TIE1: variants seen among roughly 807,000 people sequenced by gnomAD.
The protein encoded by TIE1 is tyrosine-protein kinase receptor Tie-1.
Under a neutral mutation model 130.5 loss-of-function variants are expected in TIE1, and 89 were observed. The observed-to-expected ratio is 0.68, with a 90% CI of 0.57 to 0.81. The LOEUF (loss-of-function observed/expected upper bound fraction) is 0.81. Ranked by LOEUF, TIE1 falls within the 40% of genes least tolerant of loss-of-function variation. The pLI is 0.00. For missense variants in TIE1, 1,392 were observed against 1,559.8 expected (o/e 0.89, Z 1.81); for synonymous variants, 568 against 629.4 (o/e 0.90, Z 1.46).
At chr1:43,311,182 A>T (rs570665054) in intron 9 of TIE1, among the ~76,000 whole-genome samples, 1 of 152,258 alleles carries the variant, frequency 6.6e-6, no homozygotes, top group East Asian at 1.9e-4. Context: ...TCTGAGTCTC[A>T]GTGTTTTCAT....
Position 43,322,580 on chromosome 1 carries a change from T to A in TIE1, c.3346-71T>A. 8.3e-7 allele frequency: 1 copy of A among 1,206,070 alleles called. No individual in the cohort carries two copies. Among genetic ancestry groups the A allele is most frequent in the South Asian group, 1.2e-5 (1 of 80,516 alleles). 74.7% of individuals were successfully genotyped at this position (1,206,070 alleles called of 1,614,324 possible). On this transcript the variant is annotated intron_variant, in intron 22 of 22. Transcript: ENST00000372476. The surrounding 1 kb of genome is among the most constrained non-coding windows in gnomAD (Gnocchi z 4.0). ...TGTCAGTTCAAATGCCCCCACCACA[T>A]GGAAGTCCAGGAGCTTGAGGCCAGA...
rs901376134 is a variant in TIE1 at position 43,318,477 on chromosome 1, G to A, written c.2922+405G>A. Among the ~76,000 whole-genome samples, 18 of 152,094 alleles carry A rather than the reference G, an allele frequency of 1.2e-4. No individual in the cohort carries two copies. The highest frequency in any genetic ancestry group is 4.1e-4 in the African/African-American group (17 of 41,416). Reference sequence around the variant, plus strand: ...AGAGGACAGGGGGATGACTGTCCAGGGGAGTGTGAGTCTGAGGGAAGGCAT... The same window carrying A: ...AGAGGACAGGGGGATGACTGTCCAGAGGAGTGTGAGTCTGAGGGAAGGCAT... On this transcript the variant is annotated intron_variant, in intron 17 of 22. Transcript: ENST00000372476. This position sits in a 1 kb window ranked among gnomAD's most constrained non-coding sequence, Gnocchi z 4.4.
At position 43,313,526 on chromosome 1, in the gene TIE1, A is replaced by C; in HGVS notation, c.2218+101A>C. 1.4e-6 allele frequency: 2 copies of C among 1,426,600 alleles called. No homozygotes were observed. Among genetic ancestry groups the C allele is most frequent in the Non-Finnish European group, 1.9e-6 (2 of 1,047,354 alleles). The allele number at this position is 1,426,600 out of a possible 1,614,324, so 88.4% of individuals were successfully genotyped here. On this transcript the variant is annotated intron_variant, in intron 13 of 22. Transcript: ENST00000372476. The surrounding 1 kb of genome is among the most constrained non-coding windows in gnomAD (Gnocchi z 6.2). The stretch of plus-strand genomic sequence containing the variant: ...CCCTACTGTGGAGCTAGGGCATCCC[A>C]GGCCCCTCCTGACAAAGAGTCAGCC...
chr1:43,305,807 G>A (rs751991082), intron 3 of TIE1, among the ~76,000 whole-genome samples: 36 of 152,334 alleles, frequency 2.4e-4, no homozygotes, highest in African/African-American at 6.7e-4. Flanking sequence ...GGGTAGACCC[G>A]TGGGATCTCA....
chr1:43,309,270 A>G lies in TIE1; in HGVS notation c.1189-118A>G. On this transcript the variant is annotated intron_variant, in intron 8 of 22. Coordinates refer to ENST00000372476, the MANE Select transcript of TIE1 (RefSeq NM_005424.5). The surrounding 1 kb of genome is among the most constrained non-coding windows in gnomAD (Gnocchi z 6.3). ...CCATTGCTCACATGAGGTCAGGCTG[A>G]TTGGTGAGGGGGCTGCCACTGGGCC... The G allele has an allele frequency of 6.6e-7, 1 of 1,511,054 alleles. No homozygotes were observed. The highest frequency in any genetic ancestry group is 8.9e-7 in the Non-Finnish European group (1 of 1,129,198). 93.6% of individuals were successfully genotyped at this position (1,511,054 alleles called of 1,614,324 possible). A position where few individuals can be genotyped will look rare whatever the true frequency, so the allele number is the denominator to read the frequency against.
Position 43,317,141 on chromosome 1 carries a change from C to T in TIE1, c.2410-58C>T. On this transcript the variant is annotated intron_variant, in intron 14 of 22. Transcript: ENST00000372476. This position sits in a 1 kb window ranked among gnomAD's most constrained non-coding sequence, Gnocchi z 5.1. The stretch of plus-strand genomic sequence containing the variant: ...CTCCTCGTGTGCCTGTCTGTGCCTC[C>T]TTCCGCCCCCTTTGACTCTTGCGTG... The T allele has an allele frequency of 6.3e-7, 1 of 1,579,264 alleles. No homozygotes were observed. The highest frequency in any genetic ancestry group is 1.1e-5 in the South Asian group (1 of 90,234).
At position 43,309,172 on chromosome 1, in the gene TIE1, G is replaced by T. The variant is rs774457915; in HGVS notation, c.1188+41G>T. The T allele has an allele frequency of 5.1e-6, 8 of 1,557,118 alleles. No individual in the cohort carries two copies. In the Admixed American group the frequency reaches 1.1e-4, roughly 22 times the overall value. On this transcript the variant is annotated intron_variant, in intron 8 of 22. Coordinates refer to ENST00000372476, the MANE Select transcript of TIE1 (RefSeq NM_005424.5). This position sits in a 1 kb window ranked among gnomAD's most constrained non-coding sequence, Gnocchi z 6.3. ...CCCCAACCCACCAGCCCCTCAGGCC[G>T]CCTGCTTCACAGCTGATCCCTAAGA...
rs775699045 is a variant in TIE1, at chr1:43,313,299, C to A, written c.2092C>A (p.Pro698Thr). 6.2e-7 allele frequency: 1 copy of A among 1,614,034 alleles called. No individual in the cohort carries two copies. The highest frequency in any genetic ancestry group is 1.1e-5 in the South Asian group (1 of 91,080). Reference protein sequence around the residue: ...GDPLWIDVDRPEETSTIIRGL... With the variant: ...GDPLWIDVDRTEETSTIIRGL... ...CCCACTGTGGATAGACGTGGACAGG[C>A]CTGAGGAGACAAGCACCATCATCCG... Residue 698 changes from proline to threonine, a missense_variant, in exon 13 of 23, where the codon CCT becomes ACT. Around this residue, in one of 6 missense-constraint regions of TIE1, gnomAD observed 551 missense variants for 565.5 expected, o/e 0.97. Transcript: ENST00000372476. This position sits in a 1 kb window ranked among gnomAD's most constrained non-coding sequence, Gnocchi z 6.2.
chr1:43,317,977 C>A lies in TIE1; in HGVS notation c.2827C>A (p.Arg943=). 6.2e-7 allele frequency: 1 copy of A among 1,612,308 alleles called. No individual in the cohort carries two copies. Among genetic ancestry groups the A allele is most frequent in the Non-Finnish European group, 8.5e-7 (1 of 1,179,120 alleles). ...CCTAGAGACTGACCCAGCTTTTGCT[C>A]GAGAGCATGGGACAGCCTCTACCCT... ...RVLETDPAFA[R]EHGTASTLSS... is the part of the protein sequence containing the mutation. Residue 943 remains arginine, a synonymous_variant, in exon 17 of 23, where the codon CGA becomes AGA. Coordinates refer to ENST00000372476, the MANE Select transcript of TIE1 (RefSeq NM_005424.5). The surrounding 1 kb of genome is among the most constrained non-coding windows in gnomAD (Gnocchi z 5.1).
rs1389469728 is a variant in TIE1, at chr1:43,315,179, GCTT to G, written c.2409+1216_2409+1218del. ...TCCGCAGGTCCTGTCTCCTCTGAGGGCTTCTTCATTGTCGTCACTTAGGATCTG... is the reference window on the plus strand; with the variant it reads ...TCCGCAGGTCCTGTCTCCTCTGAGGGCTTCATTGTCGTCACTTAGGATCTG... On this transcript the variant is annotated intron_variant, in intron 14 of 22. Coordinates refer to ENST00000372476, the MANE Select transcript of TIE1 (RefSeq NM_005424.5). The surrounding 1 kb of genome is among the most constrained non-coding windows in gnomAD (Gnocchi z 4.4). 2 of 152,262 alleles carry G rather than the reference GCTT, an allele frequency of 1.3e-5. No homozygotes were observed. Among genetic ancestry groups the G allele is most frequent in the African/African-American group, 4.8e-5 (2 of 41,454 alleles). 9.4% of individuals were successfully genotyped at this position (152,262 alleles called of 1,614,324 possible).
At position 43,317,804 on chromosome 1, in the gene TIE1, T is replaced by A; in HGVS notation, c.2732-78T>A. 1 of 1,537,852 alleles carries A rather than the reference T, an allele frequency of 6.5e-7. No homozygotes were observed. On this transcript the variant is annotated intron_variant, in intron 16 of 22. Coordinates refer to ENST00000372476, the MANE Select transcript of TIE1 (RefSeq NM_005424.5). This position sits in a 1 kb window ranked among gnomAD's most constrained non-coding sequence, Gnocchi z 5.1. ...CACCCTTGATCCTCCTTCATCCCTG[T>A]CTGTTACCATCGGGTGCCTGCTCCC... is the stretch of plus-strand genomic sequence containing the variant.
In TIE1 at chr1:43,318,219, G is replaced by A; in HGVS notation, c.2922+147G>A. 4 of 1,025,376 alleles carry A rather than the reference G, an allele frequency of 3.9e-6. No individual in the cohort carries two copies. The highest frequency in any genetic ancestry group is 5.5e-6 in the Non-Finnish European group (4 of 732,910). The allele number at this position is 1,025,376 out of a possible 1,614,324, so 63.5% of individuals were successfully genotyped here. A position where few individuals can be genotyped will look rare whatever the true frequency, so the allele number is the denominator to read the frequency against. Reference sequence around the variant, plus strand: ...TGGGTGCAAGCACAGCGAGGAGGCAGGGCCAAGGGGCAGGTCTGGAGGAGG... The same window carrying A: ...TGGGTGCAAGCACAGCGAGGAGGCAAGGCCAAGGGGCAGGTCTGGAGGAGG... On this transcript the variant is annotated intron_variant, in intron 17 of 22. Coordinates refer to ENST00000372476, the MANE Select transcript of TIE1 (RefSeq NM_005424.5). The surrounding 1 kb of genome is among the most constrained non-coding windows in gnomAD (Gnocchi z 4.4).
In TIE1 at chr1:43,319,614, AGGT is replaced by A; in HGVS notation, c.3107+89_3107+91del. On this transcript the variant is annotated intron_variant, in intron 19 of 22. Transcript: ENST00000372476. This position sits in a 1 kb window ranked among gnomAD's most constrained non-coding sequence, Gnocchi z 4.7. ...CCTAGACATATCTCAGAAATGTCATAGGTGGTCTAAGGCATGACCTGGGCTGTG... is the reference window on the plus strand; with the variant it reads ...CCTAGACATATCTCAGAAATGTCATAGGTCTAAGGCATGACCTGGGCTGTG... The A allele has an allele frequency of 7.3e-7, 1 of 1,372,648 alleles. No homozygotes were observed. Among genetic ancestry groups the A allele is most frequent in the South Asian group, 1.2e-5 (1 of 85,692 alleles). The allele number at this position is 1,372,648 out of a possible 1,614,324, so 85.0% of individuals were successfully genotyped here.
chr1:43,318,105 G>C lies in TIE1; in HGVS notation c.2922+33G>C. On this transcript the variant is annotated intron_variant, in intron 17 of 22. Transcript: ENST00000372476. This position sits in a 1 kb window ranked among gnomAD's most constrained non-coding sequence, Gnocchi z 4.4. ...TGAGTGGGGGCGGGTGGAGGCCAGA[G>C]GGGGAAGCCACTGGGCTGGTGTCAG... 1.3e-6 allele frequency: 2 copies of C among 1,516,076 alleles called. No individual in the cohort carries two copies. Among genetic ancestry groups the C allele is most frequent in the Admixed American group, 2.2e-5 (1 of 45,680 alleles). 93.9% of individuals were successfully genotyped at this position (1,516,076 alleles called of 1,614,324 possible).
In TIE1 at chr1:43,309,666, G is replaced by A. The variant is rs557135456; in HGVS notation, c.1333+134G>A. Reference sequence around the variant, plus strand: ...ATAGCCTAGCACCAGACAAAAAGCGGGGTTGTGGTCAACCAGAGGTCCGGG... The same window carrying A: ...ATAGCCTAGCACCAGACAAAAAGCGAGGTTGTGGTCAACCAGAGGTCCGGG... On this transcript the variant is annotated intron_variant, in intron 9 of 22. Coordinates refer to ENST00000372476, the MANE Select transcript of TIE1 (RefSeq NM_005424.5). The surrounding 1 kb of genome is among the most constrained non-coding windows in gnomAD (Gnocchi z 6.3). The A allele has an allele frequency of 7.8e-7, 1 of 1,287,588 alleles. No homozygotes were observed. Among genetic ancestry groups the A allele is most frequent in the African/African-American group, 1.5e-5 (1 of 66,582 alleles). 79.8% of individuals were successfully genotyped at this position (1,287,588 alleles called of 1,614,324 possible). A position where few individuals can be genotyped will look rare whatever the true frequency, so the allele number is the denominator to read the frequency against.
In TIE1 at chr1:43,313,747, C is replaced by T. The variant is rs755533740; in HGVS notation, c.2219-31C>T. 1.3e-6 allele frequency: 2 copies of T among 1,588,276 alleles called. No homozygotes were observed. Among genetic ancestry groups the T allele is most frequent in the Non-Finnish European group, 1.7e-6 (2 of 1,165,652 alleles). ...CCTCTGGGTTCCCTGACCCAGGTGT[C>T]CCCACAATCTGCCCCTCTCACTGTG... is the stretch of plus-strand genomic sequence containing the variant. On this transcript the variant is annotated intron_variant, in intron 13 of 22. Transcript: ENST00000372476. The surrounding 1 kb of genome is among the most constrained non-coding windows in gnomAD (Gnocchi z 6.2).
In TIE1 at chr1:43,316,521, T is replaced by C. The variant is rs149034395; in HGVS notation, c.2410-678T>C. 6.6e-6 allele frequency among the ~76,000 whole-genome samples: 1 copy of C among 152,354 alleles called. No homozygotes were observed. The highest frequency in any genetic ancestry group is 1.9e-4 in the East Asian group (1 of 5,196). ...CCCAGATGGCCTCCTCCTACTGAGT[T>C]AGGAAATTGGACATTCCTCTTTGTT... On this transcript the variant is annotated intron_variant, in intron 14 of 22. Coordinates refer to ENST00000372476, the MANE Select transcript of TIE1 (RefSeq NM_005424.5). The surrounding 1 kb of genome is among the most constrained non-coding windows in gnomAD (Gnocchi z 4.4).
At chr1:43,308,071 C>A in intron 7 of TIE1, 147 bp downstream of exon 7, 1 of 1,260,754 alleles carries the variant, frequency 7.9e-7, no homozygotes, top group Non-Finnish European at 1.1e-6. Flanking sequence ...GGACAGGGAG[C>A]TCTGGCAGGG....
rs541477105 is a variant in TIE1, at chr1:43,317,683, C to T, written c.2731+9C>T. On this transcript the variant is annotated intron_variant, in intron 16 of 22. Transcript: ENST00000372476. This position sits in a 1 kb window ranked among gnomAD's most constrained non-coding sequence, Gnocchi z 5.1. ...GGCCTGTAAGAACCGAGGTGAGCCC[C>T]CAGCTCATCACCTACCCCTTCTTCC... is the stretch of plus-strand genomic sequence containing the variant. The T allele has an allele frequency of 1.7e-5, 26 of 1,564,430 alleles. No homozygotes were observed. In the South Asian group the frequency reaches 3.1e-4, roughly 19 times the overall value.
Sources: gnomAD v4.1 joint callset for allele counts (sites outside exome capture counted in the v4.1 genomes callset) on GRCh38, gnomAD v4.1.1 for gene constraint, gnomAD v4.1.1 regional missense constraint, Gnocchi (gnomAD v3.1) non-coding constraint, MANE v1.5 for transcripts, NCBI Gene and HGNC (gene_info 2026-07-23, HGNC 2026-07-21) for gene names.